Variants in MSRB3 observed in about 807,000 individuals in gnomAD.
The protein encoded by MSRB3 is methionine sulfoxide reductase B3, also known as methionine-R-sulfoxide reductase B3.
A neutral mutation model predicts 21.0 loss-of-function variants in MSRB3; 13 were observed. The observed-to-expected ratio is 0.62, with a 90% confidence interval of 0.40 to 0.98. MSRB3 has a LOEUF of 0.98. Among genes scored for constraint, MSRB3 ranks in the 50% least tolerant of loss-of-function variants. The probability of loss-of-function intolerance (pLI) is 0.00; values close to 1 mark genes in which losing one functional copy is unlikely to be tolerated. For synonymous variants in MSRB3, 87 were observed against 88.6 expected, an observed-to-expected ratio of 0.98 and a Z score of 0.10; for missense variants, 199 against 230.3, an observed-to-expected ratio of 0.86 and a Z score of 0.88.
At chr12:65,355,642 T>C (rs1446618900) in intron 4 of MSRB3, among the ~76,000 whole-genome samples, 1 of 151,910 alleles carries the variant, frequency 6.6e-6, no homozygotes. Context: ...TTCTATGTAC[T>C]CACTTAAGTA....
At chr12:65,291,628 TATCTA>T (rs1872671169) in intron 1 of MSRB3, among the ~76,000 whole-genome samples, 1 of 152,180 alleles carries the variant, frequency 6.6e-6, no homozygotes, top group South Asian at 2.1e-4. Context: ...GGCACTAACT[TATCTA>T]ATCTGAGGTT....
intron 4 of MSRB3, among the ~76,000 whole-genome samples, chr12:65,341,097 A>C (rs1876109172): frequency 6.6e-6 from 1 of 152,148 alleles, no homozygotes; most frequent in Non-Finnish European, 1.5e-5. Flanking sequence ...TTATGAAAAT[A>C]AAATGCACTC....
intron 5 of MSRB3, among the ~76,000 whole-genome samples, chr12:65,414,257 G>A (rs1040523022): frequency 2.6e-5 from 4 of 152,082 alleles, no homozygotes; most frequent in African/African-American, 9.7e-5. Context: ...ATAATTAGAA[G>A]GCTGTTACAG....
intron 4 of MSRB3, among the ~76,000 whole-genome samples, chr12:65,342,036 A>G (rs1876176874): frequency 6.6e-6 from 1 of 151,984 alleles, no homozygotes; most frequent in Non-Finnish European, 1.5e-5. Context: ...ACACTACTAC[A>G]ATACAAGTTC....
At chr12:65,389,211 C>T (rs1377534968) in intron 5 of MSRB3, among the ~76,000 whole-genome samples, 1 of 152,176 alleles carries the variant, frequency 6.6e-6, no homozygotes, top group East Asian at 1.9e-4. Context: ...GCTTCCTATG[C>T]ATGATTCTTT....
intron 2 of MSRB3, among the ~76,000 whole-genome samples, chr12:65,313,808 T>A (rs1874132544): frequency 1.3e-5 from 2 of 152,142 alleles, no homozygotes; most frequent in Admixed American, 6.6e-5. Flanking sequence ...GAGGATTTTT[T>A]TTAAAGAAAT....
intron 5 of MSRB3, among the ~76,000 whole-genome samples, chr12:65,425,564 A>G (rs1329246577): frequency 1.3e-5 from 2 of 152,106 alleles, no homozygotes; most frequent in African/African-American, 4.8e-5. Context: ...TATAAAACAT[A>G]TTATAGTCAT....
At chr12:65,448,273 GT>G (rs1016408982) in intron 5 of MSRB3, among the ~76,000 whole-genome samples, 25 of 152,200 alleles carry the variant, frequency 1.6e-4, no homozygotes, top group Non-Finnish European at 3.2e-4. Context: ...TTATGAGATA[GT>G]TTTTTTGGAA....
intron 2 of MSRB3, among the ~76,000 whole-genome samples, chr12:65,320,364 T>C (rs907763800): frequency 2.0e-5 from 3 of 152,182 alleles, no homozygotes; most frequent in Non-Finnish European, 4.4e-5. Context: ...ATTAAGAATG[T>C]TTTTTAAAAA....
chr12:65,424,120 A>G (rs1565885901), intron 5 of MSRB3, among the ~76,000 whole-genome samples: 1 of 151,920 alleles, frequency 6.6e-6, no homozygotes, highest in East Asian at 1.9e-4. Flanking sequence ...ATTTTTTGGC[A>G]TATAACTGTT....
At chr12:65,427,293 C>G (rs1426537131) in intron 5 of MSRB3, among the ~76,000 whole-genome samples, 1 of 152,154 alleles carries the variant, frequency 6.6e-6, no homozygotes, top group Non-Finnish European at 1.5e-5. Context: ...CTCTGCAGCT[C>G]TGTCAGCTGA....
chr12:65,328,490 AAC>A (rs779049567), intron 3 of MSRB3, 34 bp from the exon 4 acceptor site: 1 of 1,421,110 alleles, frequency 7.0e-7, no homozygotes, highest in Non-Finnish European at 9.9e-7. Context: ...AAATAATGCT[AAC>A]TTTAATTTTT....
At chr12:65,361,409 G>A (rs1592564341) in intron 4 of MSRB3, among the ~76,000 whole-genome samples, 1 of 152,100 alleles carries the variant, frequency 6.6e-6, no homozygotes, top group East Asian at 1.9e-4. Context: ...TCCCACAACT[G>A]TTACGTGAAT....
intron 4 of MSRB3, among the ~76,000 whole-genome samples, chr12:65,352,204 G>A (rs1877054218): frequency 6.6e-6 from 1 of 152,086 alleles, no homozygotes; most frequent in Non-Finnish European, 1.5e-5. Context: ...CAGAGCCAAC[G>A]ACAAAAACCA....
At chr12:65,339,753 A>G (rs1008045648) in intron 4 of MSRB3, among the ~76,000 whole-genome samples, 1 of 152,200 alleles carries the variant, frequency 6.6e-6, no homozygotes, top group African/African-American at 2.4e-5. Context: ...AAATGATAAC[A>G]ATAGATTCTC....
chr12:65,350,290 C>A (rs1178310151), intron 4 of MSRB3, among the ~76,000 whole-genome samples: 1 of 151,634 alleles, frequency 6.6e-6, no homozygotes, highest in Non-Finnish European at 1.5e-5. Flanking sequence ...GGTACCAGTA[C>A]CATGCTGTTT....
chr12:65,306,015 T>C (rs1357122408), intron 1 of MSRB3, among the ~76,000 whole-genome samples: 1 of 152,218 alleles, frequency 6.6e-6, no homozygotes, highest in Non-Finnish European at 1.5e-5. Context: ...TTAACTTATT[T>C]AATCATTATC....
Position 65,449,607 on chromosome 12 carries a change from G to A in MSRB3, c.293-4121G>A, listed in dbSNP as rs114854550. ...TCACCCAAACCCAGTGGGATTCATT[G>A]CGTTCAAACTTACTTTACATTTGAA... On this transcript the variant is annotated intron_variant, in intron 5 of 6. Transcript: ENST00000308259. 2.7e-3 allele frequency among the ~76,000 whole-genome samples: 406 copies of A among 152,222 alleles called. 4 individuals carry two copies. The highest frequency in any genetic ancestry group is 9.5e-3 in the African/African-American group (395 of 41,524).
At chr12:65,310,441 T>G (rs972180303) in intron 2 of MSRB3, among the ~76,000 whole-genome samples, 1 of 152,236 alleles carries the variant, frequency 6.6e-6, no homozygotes, top group African/African-American at 2.4e-5. Context: ...GTTCTTGTGC[T>G]TTGCAGAACC....
Sources: gnomAD v4.1 joint callset for allele counts (sites outside exome capture counted in the v4.1 genomes callset) on GRCh38, gnomAD v4.1.1 for gene constraint, MANE v1.5 for transcripts, NCBI Gene and HGNC (gene_info 2026-07-23, HGNC 2026-07-21) for gene names.